The following DCDC1 variants were observed in gnomAD, a reference collection of about 807,000 sequenced individuals.
The protein encoded by DCDC1 is doublecortin domain containing 1, also known as doublecortin domain-containing protein 1.
Under a neutral mutation model 178.3 loss-of-function variants are expected in DCDC1, and 200 were observed. The observed-to-expected ratio is 1.12, with a 90% CI of 1.00 to 1.26. DCDC1 has a LOEUF of 1.26. Among genes scored for constraint, DCDC1 ranks in the 50% most tolerant of loss-of-function variants. The probability of loss-of-function intolerance (pLI) is 0.00; values close to 1 mark genes in which losing one functional copy is unlikely to be tolerated. For missense variants in DCDC1, 1,983 were observed against 1,749.2 expected, an observed-to-expected ratio of 1.13 and a Z score of -2.38; for synonymous variants, 690 against 604.8, an observed-to-expected ratio of 1.14 and a Z score of -2.07.
At chr11:31,127,413 G>C (rs1961794306) in intron 11 of DCDC1, 56 bp downstream of exon 11, 1 of 656,154 alleles carries the variant, frequency 1.5e-6, no homozygotes. Context: ...TTTTCAAATG[G>C]AGCAGAATGC....
At chr11:30,951,314 A>G (rs544496324) in intron 21 of DCDC1, among the ~76,000 whole-genome samples, 1 of 152,296 alleles carries the variant, frequency 6.6e-6, no homozygotes, top group South Asian at 2.1e-4. Flanking sequence ...CAACAATGGA[A>G]AGTAGAAGTC....
At chr11:31,044,461 G>C (rs958123694) in intron 20 of DCDC1, among the ~76,000 whole-genome samples, 7 of 129,936 alleles carry the variant, frequency 5.4e-5, no homozygotes, top group African/African-American at 2.1e-4. Flanking sequence ...CTGGGCGACA[G>C]AGCGATACTC....
chr11:31,334,856 G>A (rs1305707316), intron 2 of DCDC1, among the ~76,000 whole-genome samples: 1 of 152,194 alleles, frequency 6.6e-6, no homozygotes, highest in Non-Finnish European at 1.5e-5. Flanking sequence ...GTACAAGGGG[G>A]TCAGGGACCC....
chr11:31,356,856 T>C (rs1314416434), intron 1 of DCDC1, among the ~76,000 whole-genome samples: 115 of 151,962 alleles, frequency 7.6e-4, no homozygotes, highest in African/African-American at 2.7e-3. Flanking sequence ...ATAAATTCCT[T>C]GACACATACA....
intron 8 of DCDC1, among the ~76,000 whole-genome samples, chr11:31,246,524 A>G (rs1203059366): frequency 6.6e-6 from 1 of 151,810 alleles, no homozygotes; most frequent in Non-Finnish European, 1.5e-5. Flanking sequence ...AAACAAGGTA[A>G]GTTTTTAAAA....
At chr11:31,107,017 GA>G in intron 12 of DCDC1, 57 bp from the exon 13 acceptor site, 1 of 691,816 alleles carries the variant, frequency 1.4e-6, no homozygotes, top group Non-Finnish European at 2.6e-6. Context: ...CCTAAAATGG[GA>G]ACATCTGTAA....
chr11:30,976,545 A>C (rs909804539), intron 20 of DCDC1, among the ~76,000 whole-genome samples: 1 of 152,164 alleles, frequency 6.6e-6, no homozygotes, highest in East Asian at 1.9e-4. Context: ...CTTAAAAAAA[A>C]AAAGACATAC....
At chr11:31,057,983 A>T (rs960262074) in intron 20 of DCDC1, among the ~76,000 whole-genome samples, 2 of 152,136 alleles carry the variant, frequency 1.3e-5, no homozygotes, top group Admixed American at 1.3e-4. Flanking sequence ...GTGTGGGGAC[A>T]GCTCTGTGAG....
At chr11:31,018,194 T>C (rs1952617961) in intron 20 of DCDC1, among the ~76,000 whole-genome samples, 1 of 152,216 alleles carries the variant, frequency 6.6e-6, no homozygotes, top group African/African-American at 2.4e-5. Flanking sequence ...TTAGTTAATA[T>C]TAGGTTAACA....
chr11:31,123,068 G>C (rs2135902488), intron 11 of DCDC1, among the ~76,000 whole-genome samples: 1 of 151,950 alleles, frequency 6.6e-6, no homozygotes, highest in Non-Finnish European at 1.5e-5. Flanking sequence ...CAGTAAAACT[G>C]TATTTACAAA....
At chr11:31,002,524 G>A (rs1193187990) in intron 20 of DCDC1, among the ~76,000 whole-genome samples, 4 of 152,222 alleles carry the variant, frequency 2.6e-5, no homozygotes, top group East Asian at 1.9e-4. Context: ...GATGATTCTC[G>A]AAGGGGCAGA....
chr11:30,984,193 C>A (rs945253824), intron 20 of DCDC1, among the ~76,000 whole-genome samples: 1 of 152,134 alleles, frequency 6.6e-6, no homozygotes, highest in Non-Finnish European at 1.5e-5. Context: ...ATAAAGATAT[C>A]TCAATCCATA....
At chr11:31,067,570 A>G (rs1956316780) in intron 18 of DCDC1, among the ~76,000 whole-genome samples, 1 of 152,150 alleles carries the variant, frequency 6.6e-6, no homozygotes, top group Non-Finnish European at 1.5e-5. Context: ...AAACATACAT[A>G]CACACAAAAA....
At chr11:31,105,646 A>T (rs908460267) in intron 13 of DCDC1, among the ~76,000 whole-genome samples, 1 of 152,062 alleles carries the variant, frequency 6.6e-6, no homozygotes, top group Non-Finnish European at 1.5e-5. Context: ...AGATTTTTTA[A>T]TTCTCTAAAT....
chr11:31,176,591 G>A (rs1968060369), intron 9 of DCDC1, among the ~76,000 whole-genome samples: 1 of 152,018 alleles, frequency 6.6e-6, no homozygotes, highest in Admixed American at 6.6e-5. Flanking sequence ...CCTCTGCCAG[G>A]CACATTATAA....
At chr11:31,330,800 G>C (rs1949937959) in intron 2 of DCDC1, among the ~76,000 whole-genome samples, 1 of 152,078 alleles carries the variant, frequency 6.6e-6, no homozygotes, top group Admixed American at 6.6e-5. Flanking sequence ...GGTTACTGTA[G>C]CCTTGTAGTA....
At chr11:31,238,409 G>A (rs1325248183) in intron 9 of DCDC1, among the ~76,000 whole-genome samples, 1 of 152,094 alleles carries the variant, frequency 6.6e-6, no homozygotes, top group Non-Finnish European at 1.5e-5. Context: ...CATTTTAAAA[G>A]GTAGTGCAGC....
At chr11:31,341,626 C>T (rs756272763) in intron 1 of DCDC1, among the ~76,000 whole-genome samples, 26 of 152,020 alleles carry the variant, frequency 1.7e-4, no homozygotes, top group South Asian at 6.2e-4. Flanking sequence ...ACACCGTAGG[C>T]AATTTTAACA....
chr11:31,028,641 C>A (rs1310036526), intron 20 of DCDC1, among the ~76,000 whole-genome samples: 1 of 151,942 alleles, frequency 6.6e-6, no homozygotes, highest in African/African-American at 2.4e-5. Context: ...GTGGAAACTG[C>A]AAAGTCACAC....
Sources: gnomAD v4.1 joint callset for allele counts (sites outside exome capture counted in the v4.1 genomes callset) on GRCh38, gnomAD v4.1.1 for gene constraint, MANE v1.5 for transcripts, NCBI Gene and HGNC (gene_info 2026-07-23, HGNC 2026-07-21) for gene names.